The following OR56A1 variants were observed in gnomAD, a reference collection of about 807,000 sequenced individuals.
The protein encoded by OR56A1 is olfactory receptor 56A1.
For synonymous variants in OR56A1, 174 were observed against 159.1 expected, an observed-to-expected ratio of 1.09 and a Z score of -0.70; for missense variants, 360 against 380.9, an observed-to-expected ratio of 0.94 and a Z score of 0.46.
At position 6,027,426 on chromosome 11, in the gene OR56A1, C is replaced by T. The variant is rs759559705; in HGVS notation, c.267G>A (p.Trp89Ter). The T allele has an allele frequency of 3.1e-6, 5 of 1,614,174 alleles. No homozygotes were observed. Among genetic ancestry groups the T allele is most frequent in the African/African-American group, 2.7e-5 (2 of 75,024 alleles). The change falls in exon 2 of 2, where the codon TGG becomes TGA. Residue 89 changes from tryptophan (W) to a stop codon, truncating the protein, a stop_gained. Transcript: ENST00000641900. LOFTEE classifies it low-confidence loss of function (END_TRUNC). ...TVIPKVLAIF[W>*]YDLRSISFPA... ...GGAAGCTGATCGACCTAAGATCATA[C>T]CAGAAGATGGCCAGGACCTTGGGGA...
In OR56A1 at chr11:6,022,859, T is replaced by A. The variant is rs1331548878; in HGVS notation, c.*3889A>T. The A allele has an allele frequency of 6.6e-6, 1 of 152,186 alleles. No homozygotes were observed. Among genetic ancestry groups the A allele is most frequent in the African/African-American group, 2.4e-5 (1 of 41,438 alleles). 9.4% of individuals were successfully genotyped at this position (152,186 alleles called of 1,614,324 possible). A position where few individuals can be genotyped will look rare whatever the true frequency, so the allele number is the denominator to read the frequency against. Reference sequence around the variant, plus strand: ...TAGGTGCAGAAATGTTGTTATTATATACAGTACTCAGCCAAATGCTGATAG... The same window carrying A: ...TAGGTGCAGAAATGTTGTTATTATAAACAGTACTCAGCCAAATGCTGATAG... On this transcript the variant is annotated 3_prime_UTR_variant, in exon 2 of 2. Transcript: ENST00000641900.
At chr11:6,028,324 G>C (rs1019021720) in intron 1 of OR56A1, among the ~76,000 whole-genome samples, 4 of 150,714 alleles carry the variant, frequency 2.7e-5, no homozygotes, top group Non-Finnish European at 4.4e-5. Flanking sequence ...GGAAAGAAGA[G>C]GCTAGTTTTA....
chr11:6,031,135 T>TA (rs200071089), upstream of OR56A1, among the ~76,000 whole-genome samples: 32 of 152,232 alleles, frequency 2.1e-4, no homozygotes, highest in East Asian at 6.2e-3. Flanking sequence ...ATTGAAGATA[T>TA]AAAAAATGGA....
intron 1 of OR56A1, 110 bp downstream of exon 1, chr11:6,030,592 T>G (rs1330102053): frequency 6.6e-6 from 1 of 152,194 alleles, no homozygotes; most frequent in African/African-American, 2.4e-5. Flanking sequence ...TCTCCCTTGC[T>G]CCCTGAGCTT....
Position 6,019,698 on chromosome 11 carries a change from C to T in OR56A1, c.*7050G>A, listed in dbSNP as rs1435929205. 3.3e-5 allele frequency: 5 copies of T among 152,012 alleles called. No individual in the cohort carries two copies. The highest frequency in any genetic ancestry group is 9.7e-5 in the African/African-American group (4 of 41,394). The allele number at this position is 152,012 out of a possible 1,614,324, so 9.4% of individuals were successfully genotyped here. ...ATTAAATTGCCTCCCAATTGTCTTT[C>T]CAATTTAAAAAGACAATATGTCAGG... On this transcript the variant is annotated 3_prime_UTR_variant, in exon 2 of 2. Coordinates refer to ENST00000641900, the MANE Select transcript of OR56A1 (RefSeq NM_001388488.1).
At chr11:6,027,749 G>C in intron 1 of OR56A1, 23 bp from the exon 2 acceptor site, 1 of 1,361,500 alleles carries the variant, frequency 7.3e-7, no homozygotes, top group Non-Finnish European at 1.0e-6. Context: ...GCAGATACAA[G>C]AGGTTATTTT....
Position 6,027,375 on chromosome 11 carries a change from G to C in OR56A1, c.318C>G (p.Ile106Met). 1 of 1,614,200 alleles carries C rather than the reference G, an allele frequency of 6.2e-7. No homozygotes were observed. The change falls in exon 2 of 2, where the codon ATC (isoleucine) becomes ATG (methionine). Residue 106 changes from isoleucine (I) to methionine (M), a missense_variant. Physicochemically the swap from Ile to Met is conservative, Grantham distance 10 (BLOSUM62 1). Transcript: ENST00000641900. Reference sequence around the variant, plus strand: ...ACTCCATGGGGAGGAAACTGTTCATGATGAACATCTGGAGGAAGCAGGCAG... The same window carrying C: ...ACTCCATGGGGAGGAAACTGTTCATCATGAACATCTGGAGGAAGCAGGCAG... ...SFPACFLQMF[I>M]MNSFLPMESC...
chr11:6,030,223 A>G (rs1183887760), intron 1 of OR56A1, among the ~76,000 whole-genome samples: 1 of 152,188 alleles, frequency 6.6e-6, no homozygotes, highest in Non-Finnish European at 1.5e-5. Context: ...AGGTTTCTTT[A>G]TAAACCATTC....
rs760029850 is a variant in OR56A1 at position 6,026,869 on chromosome 11, A to T, written c.824T>A (p.Ile275Asn). Residue 275 changes from isoleucine (I) to asparagine (N), a missense_variant, in exon 2 of 2, where the codon ATC (isoleucine) becomes AAC (asparagine). Transcript: ENST00000641900. ...ATGAAGGACGTTCAGCAGGATCAGG[A>T]TGTCCATGGGGACCTTCTTTCTGGC... ...NVARKKVPMD[I>N]LILLNVLHHL... 3.7e-6 allele frequency: 6 copies of T among 1,614,164 alleles called. No homozygotes were observed. Among genetic ancestry groups the T allele is most frequent in the Non-Finnish European group, 5.1e-6 (6 of 1,179,944 alleles).
chr11:6,031,636 T>G (rs761982723), upstream of OR56A1, among the ~76,000 whole-genome samples: 7 of 152,148 alleles, frequency 4.6e-5, no homozygotes, highest in Non-Finnish European at 7.4e-5. Context: ...GTTTACTAGC[T>G]TGAGTAAATA....
rs770366059 is a variant in OR56A1, at chr11:6,019,365, C to T, written c.*7383G>A. On this transcript the variant is annotated 3_prime_UTR_variant, in exon 2 of 2. Coordinates refer to ENST00000641900, the MANE Select transcript of OR56A1 (RefSeq NM_001388488.1). ...TCCCAGGAATGCAAAAATGGTTCAA[C>T]GCATGCAAATCAATAAATGTGATAC... 1.3e-5 allele frequency: 2 copies of T among 152,092 alleles called. No individual in the cohort carries two copies. Among genetic ancestry groups the T allele is most frequent in the Non-Finnish European group, 1.5e-5 (1 of 67,970 alleles). The allele number at this position is 152,092 out of a possible 1,614,324, so 9.4% of individuals were successfully genotyped here.
At chr11:6,029,005 C>G (rs1406425923) in intron 1 of OR56A1, among the ~76,000 whole-genome samples, 1 of 151,992 alleles carries the variant, frequency 6.6e-6, no homozygotes, top group Non-Finnish European at 1.5e-5. Flanking sequence ...GAACTGGAGG[C>G]CATTATCTTA....
chr11:6,027,287 G>C lies in OR56A1; in HGVS notation c.406C>G (p.Pro136Ala), dbSNP rs750443675. The C allele has an allele frequency of 1.9e-6, 3 of 1,614,188 alleles. No homozygotes were observed. The highest frequency in any genetic ancestry group is 2.5e-6 in the Non-Finnish European group (3 of 1,180,032). ...ACAAATTGATTAGTGATGATGGATG[G>C]GTACCGCAGTGGGTGGCAGATGGCC... ...YVAICHPLRY[P>A]SIITNQFVAK... Residue 136 changes from proline to alanine, a missense_variant, in exon 2 of 2, where the codon CCA becomes GCA. Coordinates refer to ENST00000641900, the MANE Select transcript of OR56A1 (RefSeq NM_001388488.1).
At position 6,026,556 on chromosome 11, in the gene OR56A1, A is replaced by C. The variant is rs1277341912; in HGVS notation, c.*192T>G. ...CAAGGTTCAAAGCAGCCACTCAATA[A>C]ATACGAGTTTCTTCCCCTTGCCTAC... On this transcript the variant is annotated 3_prime_UTR_variant, in exon 2 of 2. Coordinates refer to ENST00000641900, the MANE Select transcript of OR56A1 (RefSeq NM_001388488.1). 3 of 532,566 alleles carry C rather than the reference A, an allele frequency of 5.6e-6. No individual in the cohort carries two copies. Among genetic ancestry groups the C allele is most frequent in the East Asian group, 3.0e-5 (1 of 33,850 alleles). 33.0% of individuals were successfully genotyped at this position (532,566 alleles called of 1,614,324 possible). A position where few individuals can be genotyped will look rare whatever the true frequency, so the allele number is the denominator to read the frequency against.
intron 1 of OR56A1, among the ~76,000 whole-genome samples, chr11:6,027,938 TAAA>T: frequency 6.9e-6 from 1 of 145,398 alleles, no homozygotes; most frequent in Middle Eastern, 3.6e-3. Context: ...CTATGAAGTT[TAAA>T]AAAAAAAAGG....
intron 1 of OR56A1, among the ~76,000 whole-genome samples, chr11:6,028,839 T>C (rs773892209): frequency 6.6e-6 from 1 of 152,160 alleles, no homozygotes; most frequent in Non-Finnish European, 1.5e-5. Flanking sequence ...TGTACTGGTA[T>C]GTTTATCACA....
Position 6,027,090 on chromosome 11 carries a change from G to A in OR56A1, c.603C>T (p.Tyr201=). 6.2e-7 allele frequency: 1 copy of A among 1,614,178 alleles called. No individual in the cohort carries two copies. Among genetic ancestry groups the A allele is most frequent in the Non-Finnish European group, 8.5e-7 (1 of 1,180,002 alleles). ...GCAAGGTCCAACCAGCCACAAATTG[G>A]TAGATTCTGTTAAGGGTGAAATTAT... The part of the protein sequence containing the change: ...SCDNFTLNRI[Y]QFVAGWTLLG... Residue 201 remains tyrosine, a synonymous_variant, in exon 2 of 2, where the codon TAC becomes TAT. Coordinates refer to ENST00000641900, the MANE Select transcript of OR56A1 (RefSeq NM_001388488.1).
upstream of OR56A1, chr11:6,030,788 C>G (rs186341589): frequency 6.6e-6 from 1 of 152,270 alleles, no homozygotes; most frequent in Admixed American, 6.5e-5. Flanking sequence ...TCAAGTCCTC[C>G]TATTTTATGT....
chr11:6,022,857 T>C lies in OR56A1; in HGVS notation c.*3891A>G, dbSNP rs148466375. 2 of 152,320 alleles carry C rather than the reference T, an allele frequency of 1.3e-5. No homozygotes were observed. The highest frequency in any genetic ancestry group is 4.8e-5 in the African/African-American group (2 of 41,562). The allele number at this position is 152,320 out of a possible 1,614,324, so 9.4% of individuals were successfully genotyped here. On this transcript the variant is annotated 3_prime_UTR_variant, in exon 2 of 2. Coordinates refer to ENST00000641900, the MANE Select transcript of OR56A1 (RefSeq NM_001388488.1). ...AATAGGTGCAGAAATGTTGTTATTA[T>C]ATACAGTACTCAGCCAAATGCTGAT...
Sources: gnomAD v4.1 joint callset for allele counts (sites outside exome capture counted in the v4.1 genomes callset) on GRCh38, gnomAD v4.1.1 for gene constraint, MANE v1.5 for transcripts, NCBI Gene and HGNC (gene_info 2026-07-23, HGNC 2026-07-21) for gene names.